Variants in SH3RF3 observed in about 807,000 individuals in gnomAD.
The protein encoded by SH3RF3 is SH3 domain containing ring finger 3, also known as E3 ubiquitin-protein ligase SH3RF3.
Under a neutral mutation model 66.3 loss-of-function variants are expected in SH3RF3, and 29 were observed. The ratio of observed to expected loss-of-function variants is 0.44; its 90% CI spans 0.33 to 0.60. The LOEUF (loss-of-function observed/expected upper bound fraction) is 0.60. Ranked by LOEUF, SH3RF3 falls within the 20% of genes least tolerant of loss-of-function variation. The pLI, the probability that SH3RF3 is intolerant of heterozygous loss-of-function variation, is 0.04. For synonymous variants in SH3RF3, 583 were observed against 532.0 expected (o/e 1.10, Z -1.32); for missense variants, 1,194 against 1,190.9 (o/e 1.00, Z -0.04).
At chr2:109,338,580 C>T (rs1445041336) in intron 1 of SH3RF3, among the ~76,000 whole-genome samples, 1 of 152,138 alleles carries the variant, frequency 6.6e-6, no homozygotes, top group Non-Finnish European at 1.5e-5. Context: ...TTTTTTGAGA[C>T]AGAACCTCAC....
intron 1 of SH3RF3, among the ~76,000 whole-genome samples, chr2:109,277,550 G>A (rs1376176927): frequency 6.6e-6 from 1 of 152,174 alleles, no homozygotes; most frequent in Admixed American, 6.5e-5. Context: ...TCCGTTGAAA[G>A]TGCCTCCCTG....
At chr2:109,334,150 C>T (rs1682349506) in intron 1 of SH3RF3, among the ~76,000 whole-genome samples, 1 of 152,100 alleles carries the variant, frequency 6.6e-6, no homozygotes, top group South Asian at 2.1e-4. Context: ...TTTGAGCCCA[C>T]AAGTTCAGCC....
Position 109,501,589 on chromosome 2 carries a change from G to T in SH3RF3, c.2567G>T (p.Arg856Leu), listed in dbSNP as rs1164038816. The T allele has an allele frequency of 1.2e-5, 9 of 779,680 alleles. No individual in the cohort carries two copies. In the East Asian group the frequency reaches 2.2e-4, roughly 19 times the overall value. The allele number at this position is 779,680 out of a possible 1,614,324, so 48.3% of individuals were successfully genotyped here. ...EGDIVFVHKK[R>L]EDGWYKGTLQ... ...GACATCGTCTTTGTGCACAAGAAGC[G>T]TGAGGACGGCTGGTACAAGGGGACC... Residue 856 changes from arginine (R) to leucine (L), a missense_variant, in exon 10 of 10, where the codon CGT (arginine) becomes CTT (leucine). By Grantham distance (102) the Arg-to-Leu change is moderately radical. Coordinates refer to ENST00000309415, the MANE Select transcript of SH3RF3 (RefSeq NM_001099289.3).
intron 1 of SH3RF3, among the ~76,000 whole-genome samples, chr2:109,184,528 G>C (rs538654174): frequency 6.6e-6 from 1 of 152,164 alleles, no homozygotes; most frequent in Non-Finnish European, 1.5e-5. Flanking sequence ...ATAGAGCTGG[G>C]CTGGGAGGCT....
intron 1 of SH3RF3, among the ~76,000 whole-genome samples, chr2:109,159,136 G>A (rs1050246605): frequency 3.6e-5 from 4 of 112,616 alleles, no homozygotes; most frequent in Non-Finnish European, 6.7e-5. Flanking sequence ...AAACAAAAAG[G>A]TGCCCTTACA....
intron 1 of SH3RF3, among the ~76,000 whole-genome samples, chr2:109,240,762 C>T (rs1368607744): frequency 6.6e-6 from 1 of 151,900 alleles, no homozygotes; most frequent in Admixed American, 6.6e-5. Context: ...CTATTTCCTC[C>T]TGTCGTCCTT....
intron 1 of SH3RF3, among the ~76,000 whole-genome samples, chr2:109,278,987 C>G (rs1026297282): frequency 6.6e-6 from 1 of 152,170 alleles, no homozygotes; most frequent in African/African-American, 2.4e-5. Context: ...TGTAGGTTTC[C>G]TCATTCCAAA....
chr2:109,345,600 G>A (rs1203494580), intron 1 of SH3RF3, among the ~76,000 whole-genome samples: 2 of 152,150 alleles, frequency 1.3e-5, no homozygotes, highest in Non-Finnish European at 2.9e-5. Flanking sequence ...TTCAGAGCAT[G>A]TTCTTTTCTT....
chr2:109,414,190 A>G (rs1352501535), intron 4 of SH3RF3, among the ~76,000 whole-genome samples: 2 of 152,144 alleles, frequency 1.3e-5, no homozygotes, highest in African/African-American at 2.4e-5. Context: ...AGGCCACTGC[A>G]CCGTCTACCC....
intron 1 of SH3RF3, among the ~76,000 whole-genome samples, chr2:109,265,743 TA>T (rs1035506642): frequency 4.6e-5 from 7 of 152,194 alleles, no homozygotes; most frequent in African/African-American, 1.7e-4. Flanking sequence ...TTTTTATCAA[TA>T]AAAAATGTTT....
At chr2:109,399,050 G>T in intron 4 of SH3RF3, 107 bp downstream of exon 4, 1 of 1,267,726 alleles carries the variant, frequency 7.9e-7, no homozygotes, top group East Asian at 2.5e-5. Context: ...GGCCGCCCCA[G>T]AACTGCCTTT....
intron 1 of SH3RF3, among the ~76,000 whole-genome samples, chr2:109,208,631 G>A (rs1202164026): frequency 2.6e-5 from 4 of 152,172 alleles, no homozygotes; most frequent in East Asian, 1.9e-4. Context: ...TGACTTTACT[G>A]TTTTAATACA....
At chr2:109,433,850 G>C (rs2104574889) in intron 6 of SH3RF3, among the ~76,000 whole-genome samples, 2 of 152,346 alleles carry the variant, frequency 1.3e-5, no homozygotes, top group Middle Eastern at 3.4e-3. Flanking sequence ...GGAAAAGCTT[G>C]AGAAGCAAAC....
intron 2 of SH3RF3, among the ~76,000 whole-genome samples, chr2:109,350,082 G>A (rs911580942): frequency 9.2e-5 from 14 of 152,260 alleles, no homozygotes; most frequent in African/African-American, 3.4e-4. Context: ...ATTTAGTGTG[G>A]GCTCCTGAGT....
intron 2 of SH3RF3, among the ~76,000 whole-genome samples, chr2:109,356,999 A>AAT (rs1682958903): frequency 6.6e-6 from 1 of 152,128 alleles, no homozygotes; most frequent in South Asian, 2.1e-4. Context: ...GCTAGCACTG[A>AAT]ATGCAACATT....
chr2:109,312,526 C>G (rs1559017255), intron 1 of SH3RF3, among the ~76,000 whole-genome samples: 3 of 152,114 alleles, frequency 2.0e-5, no homozygotes, highest in Non-Finnish European at 4.4e-5. Context: ...CAGCAGCCAC[C>G]CCGCTGGGCC....
At chr2:109,342,558 C>T (rs1474164795) in intron 1 of SH3RF3, among the ~76,000 whole-genome samples, 3 of 152,214 alleles carry the variant, frequency 2.0e-5, no homozygotes, top group Admixed American at 1.3e-4. Flanking sequence ...GGAGCCGGTG[C>T]TCCACGCTCT....
In SH3RF3 at chr2:109,437,962, G is replaced by C. The variant is rs554940397; in HGVS notation, c.1828+816G>C. On this transcript the variant is annotated intron_variant, in intron 7 of 9. Coordinates refer to ENST00000309415, the MANE Select transcript of SH3RF3 (RefSeq NM_001099289.3). ...CCCCAGGACAAGAGGGGATAACACA[G>C]AATCTCTCTTCCCACCCCAACCCTG... 2.0e-4 allele frequency among the ~76,000 whole-genome samples: 30 copies of C among 152,296 alleles called. No individual in the cohort carries two copies. The East Asian group carries it at 5.8e-3, about 29-fold the overall frequency.
chr2:109,330,271 T>G (rs935257167), intron 1 of SH3RF3, among the ~76,000 whole-genome samples: 1 of 152,180 alleles, frequency 6.6e-6, no homozygotes, highest in Non-Finnish European at 1.5e-5. Context: ...TTCCTCAATT[T>G]TGGTGTGCAT....
Sources: gnomAD v4.1 joint callset for allele counts (sites outside exome capture counted in the v4.1 genomes callset) on GRCh38, gnomAD v4.1.1 for gene constraint, MANE v1.5 for transcripts, NCBI Gene and HGNC (gene_info 2026-07-23, HGNC 2026-07-21) for gene names.